The following MRTFB variants were observed in gnomAD, a reference collection of about 807,000 sequenced individuals.
MRTFB encodes the protein myocardin related transcription factor B, also known as myocardin-related transcription factor B.
In MRTFB, 29 loss-of-function variants were observed where a neutral mutation model predicts 104.2. The ratio of observed to expected loss-of-function variants is 0.28; its 90% CI spans 0.21 to 0.38. The LOEUF (loss-of-function observed/expected upper bound fraction) is 0.38. Ranked by LOEUF, MRTFB falls within the 10% of genes least tolerant of loss-of-function variation. MRTFB has a pLI of 1.00. For missense variants in MRTFB, 1,270 were observed against 1,341.6 expected (o/e 0.95, Z 0.83); for synonymous variants, 535 against 519.5 (o/e 1.03, Z -0.41).
chr16:14,134,491 G>T (rs547699463), intron 2 of MRTFB, among the ~76,000 whole-genome samples: 7 of 152,324 alleles, frequency 4.6e-5, no homozygotes, highest in Admixed American at 1.3e-4. Flanking sequence ...AGAGGAGAGG[G>T]TTTCCTTCAT....
chr16:14,182,904 G>C (rs1365381609), intron 3 of MRTFB, among the ~76,000 whole-genome samples: 1 of 152,156 alleles, frequency 6.6e-6, no homozygotes, highest in South Asian at 2.1e-4. Context: ...CATAAACCAT[G>C]TAAAGAGAAT....
chr16:14,097,875 AT>A (rs533828348), intron 2 of MRTFB, among the ~76,000 whole-genome samples: 46 of 152,214 alleles, frequency 3.0e-4, no homozygotes, highest in African/African-American at 9.6e-4. Flanking sequence ...CAGCCTAATT[AT>A]TTTGAGATTT....
In MRTFB at chr16:14,258,208, C is replaced by A. The variant is rs760302275; in HGVS notation, c.2764+47C>A. On this transcript the variant is annotated intron_variant, in intron 16 of 16. Transcript: ENST00000571589. ...ATCCTCCCAGGAAGTCATCTCTTAACCCAAGTTCATGAAAGTTTTTCTTAA... is the reference window on the plus strand; with the variant it reads ...ATCCTCCCAGGAAGTCATCTCTTAAACCAAGTTCATGAAAGTTTTTCTTAA... The A allele has an allele frequency of 3.9e-6, 6 of 1,530,590 alleles. No homozygotes were observed. The Admixed American group carries it at 1.0e-4, about 26-fold the overall frequency. 94.8% of individuals were successfully genotyped at this position (1,530,590 alleles called of 1,614,324 possible).
intron 3 of MRTFB, chr16:14,187,134 C>G: frequency 1.1e-6 from 1 of 946,214 alleles, no homozygotes; most frequent in Non-Finnish European, 1.6e-6. Flanking sequence ...TCTGCTCTCT[C>G]TGTTCACTCA....
intron 3 of MRTFB, among the ~76,000 whole-genome samples, chr16:14,161,769 A>G (rs982130743): frequency 1.3e-5 from 2 of 152,176 alleles, no homozygotes. Flanking sequence ...TCACAGATAC[A>G]GATACTTCAC....
chr16:14,198,222 T>C (rs1251256425), intron 3 of MRTFB, among the ~76,000 whole-genome samples: 1 of 152,254 alleles, frequency 6.6e-6, no homozygotes, highest in African/African-American at 2.4e-5. Flanking sequence ...TGTTTATCCA[T>C]TCATCTGTTG....
In MRTFB at chr16:14,177,903, GGT is replaced by G. The variant is rs142062484; in HGVS notation, c.155-32308_155-32307del. On this transcript the variant is annotated intron_variant, in intron 3 of 16. Coordinates refer to ENST00000571589, the MANE Select transcript of MRTFB (RefSeq NM_001308142.2). This position sits in a 1 kb window ranked among gnomAD's most constrained non-coding sequence, Gnocchi z 4.7. ...CGAGAAGTACATGAACCAGAGGTAG[GGT>G]GTGTGTGTGTGTGTGTGTGTGTGTG... Among the ~76,000 whole-genome samples the G allele has an allele frequency of 0.11, 16,608 of 145,942 alleles. 1,843 individuals are homozygous for G. Among genetic ancestry groups the G allele is most frequent in the African/African-American group, 0.29 (11,820 of 40,198 alleles).
intron 2 of MRTFB, among the ~76,000 whole-genome samples, chr16:14,136,161 C>T (rs772422290): frequency 6.6e-6 from 1 of 151,834 alleles, no homozygotes; most frequent in Non-Finnish European, 1.5e-5. Flanking sequence ...GTAATCCCAA[C>T]TATTTGGGAG....
At chr16:14,024,389 C>G in the MRTFB span, among the ~76,000 whole-genome samples, 1 of 152,154 alleles carries the variant, frequency 6.6e-6, no homozygotes. Flanking sequence ...TCTCTCCTTC[C>G]CCAGATAGAG....
chr16:14,146,497 A>G (rs757603772), intron 3 of MRTFB, among the ~76,000 whole-genome samples: 3 of 152,200 alleles, frequency 2.0e-5, no homozygotes, highest in Non-Finnish European at 4.4e-5. Flanking sequence ...TGAAATGATC[A>G]CTTACTAGAG....
At chr16:14,131,438 GA>G (rs1190673396) in intron 2 of MRTFB, among the ~76,000 whole-genome samples, 1 of 151,896 alleles carries the variant, frequency 6.6e-6, no homozygotes, top group Non-Finnish European at 1.5e-5. Context: ...AGCAACCAAG[GA>G]AAAAAATAGA....
the MRTFB span, among the ~76,000 whole-genome samples, chr16:14,013,810 C>G: frequency 6.6e-6 from 1 of 152,176 alleles, no homozygotes; most frequent in Non-Finnish European, 1.5e-5. Flanking sequence ...TAACCACTTT[C>G]CCACTGCTTA....
rs111477963 is a variant in MRTFB, at chr16:14,074,768, A to G, written c.-129+3403A>G. Among the ~76,000 whole-genome samples the G allele has an allele frequency of 4.5e-3, 681 of 152,366 alleles. 2 individuals carry two copies. Among genetic ancestry groups the G allele is most frequent in the Non-Finnish European group, 6.8e-3 (465 of 68,026 alleles). ...GTGACTTGCAAAATGAAGATACACA[A>G]TATTTCTGGACCCTTCCATTTAAAC... is the stretch of plus-strand genomic sequence containing the variant. On this transcript the variant is annotated intron_variant, in intron 1 of 16. Transcript: ENST00000571589.
In MRTFB at chr16:14,096,051, A is replaced by AATTTATTTATTT. The variant is rs3974321; in HGVS notation, c.-64+16730_-64+16741dup. Among the ~76,000 whole-genome samples, 124 of 144,340 alleles carry AATTTATTTATTT rather than the reference A, an allele frequency of 8.6e-4. 1 individual carries two copies. Among genetic ancestry groups the AATTTATTTATTT allele is most frequent in the East Asian group, 2.9e-3 (14 of 4,866 alleles). The allele number at this position is 144,340 out of a possible 152,430, so 94.7% of individuals were successfully genotyped here. ...ACATGACAGTTTAGAGGCAAGCTGA[A>AATTTATTTATTT]ATTTATTTATTTATTTATTTATTTA... On this transcript the variant is annotated intron_variant, in intron 2 of 16. Coordinates refer to ENST00000571589, the MANE Select transcript of MRTFB (RefSeq NM_001308142.2).
intron 2 of MRTFB, among the ~76,000 whole-genome samples, chr16:14,084,513 C>T (rs746507554): frequency 7.2e-5 from 11 of 151,948 alleles, no homozygotes; most frequent in African/African-American, 1.7e-4. Context: ...GCACTCCAGC[C>T]GGGGTGACAG....
At chr16:14,078,074 C>G (rs2034172058) in intron 1 of MRTFB, among the ~76,000 whole-genome samples, 1 of 152,100 alleles carries the variant, frequency 6.6e-6, no homozygotes, top group Admixed American at 6.5e-5. Context: ...TTTCCTGGAA[C>G]CCCATTCCTC....
the MRTFB span, among the ~76,000 whole-genome samples, chr16:14,028,039 T>G: frequency 6.6e-6 from 1 of 152,076 alleles, no homozygotes; most frequent in Non-Finnish European, 1.5e-5. Context: ...TAGTCAGGCA[T>G]GGTGGTGCAC....
chr16:14,228,938 T>C (rs1340731960), intron 8 of MRTFB, among the ~76,000 whole-genome samples: 2 of 152,190 alleles, frequency 1.3e-5, no homozygotes, highest in African/African-American at 2.4e-5. Flanking sequence ...CAGGGGGACA[T>C]TGTTTAATGG....
intron 2 of MRTFB, among the ~76,000 whole-genome samples, chr16:14,109,007 C>A (rs192925262): frequency 6.6e-6 from 1 of 152,118 alleles, no homozygotes; most frequent in Admixed American, 6.5e-5. Context: ...TTTTATTTGT[C>A]ATTTTTTCTA....
Sources: allele counts gnomAD v4.1 joint callset (sites outside exome capture counted in the v4.1 genomes callset), GRCh38; gene constraint gnomAD v4.1.1; non-coding constraint Gnocchi (gnomAD v3.1); transcripts MANE v1.5; gene names NCBI Gene and HGNC (gene_info 2026-07-23, HGNC 2026-07-21).